Variants in STIM2 observed in about 807,000 individuals in gnomAD.
STIM2 encodes the protein stromal interaction molecule 2.
STIM2 carries 31 observed loss-of-function variants against 85.8 expected under a neutral mutation model. The ratio of observed to expected loss-of-function variants is 0.36; its 90% CI spans 0.27 to 0.49. STIM2 has a LOEUF of 0.49. Among genes scored for constraint, STIM2 ranks in the 20% least tolerant of loss-of-function variants. The pLI, the probability that STIM2 is intolerant of heterozygous loss-of-function variation, is 0.98. For missense variants in STIM2, 841 were observed against 927.6 expected (o/e 0.91, Z 1.21); for synonymous variants, 356 against 331.1 (o/e 1.08, Z -0.82).
At chr4:26,952,330 C>T in intron 2 of STIM2, among the ~76,000 whole-genome samples, 1 of 152,072 alleles carries the variant, frequency 6.6e-6, no homozygotes, top group East Asian at 1.9e-4. Context: ...ATTCTTAGAT[C>T]AGTGATTATC....
At position 26,877,474 on chromosome 4, in the gene STIM2, CTGTT is replaced by C. The variant is rs1474200564; in HGVS notation, c.151+16108_151+16111del. On this transcript the variant is annotated intron_variant, in intron 1 of 11. Transcript: ENST00000467087. Reference sequence around the variant, plus strand: ...ATTAGTTCCAACATCTGGGTAATCTCTGTTTGGTTCTGTTGTTTGCTTTATCTCT... The same window carrying C: ...ATTAGTTCCAACATCTGGGTAATCTCTGGTTCTGTTGTTTGCTTTATCTCT... Among the ~76,000 whole-genome samples, 6 of 148,386 alleles carry C rather than the reference CTGTT, an allele frequency of 4.0e-5. No individual in the cohort carries two copies. The East Asian group carries it at 9.8e-4, about 24-fold the overall frequency.
chr4:26,861,616 G>C, intron 1 of STIM2: 1 of 398,614 alleles, frequency 2.5e-6, no homozygotes. Context: ...CGGGCTCTCC[G>C]ATCTTCCAAG....
intron 2 of STIM2, among the ~76,000 whole-genome samples, chr4:26,956,917 T>C (rs1005831933): frequency 1.3e-5 from 2 of 152,142 alleles, no homozygotes; most frequent in African/African-American, 4.8e-5. Context: ...TTCTCATCTA[T>C]TGAATGAAGA....
rs1485320487 is a variant in STIM2 at position 26,885,861 on chromosome 4, A to ATG, written c.151+24493_151+24494insGT. ...TATATATATATATATATATATATAT[A>ATG]TATATATATATATGTATATGTCTAT... On this transcript the variant is annotated intron_variant, in intron 1 of 11. Transcript: ENST00000467087. Among the ~76,000 whole-genome samples the ATG allele has an allele frequency of 5.8e-4, 45 of 77,716 alleles. 1 individual carries two copies. Among genetic ancestry groups the ATG allele is most frequent in the African/African-American group, 2.3e-3 (41 of 17,904 alleles). 51.0% of individuals were successfully genotyped at this position (77,716 alleles called of 152,430 possible). A position where few individuals can be genotyped will look rare whatever the true frequency, so the allele number is the denominator to read the frequency against.
At chr4:26,922,654 T>C (rs1724847484) in intron 2 of STIM2, among the ~76,000 whole-genome samples, 2 of 152,184 alleles carry the variant, frequency 1.3e-5, no homozygotes, top group African/African-American at 4.8e-5. Context: ...CTTTGAATCT[T>C]GAACCTTGTA....
intron 10 of STIM2, among the ~76,000 whole-genome samples, chr4:27,009,329 A>G (rs563800497): frequency 6.6e-6 from 1 of 152,290 alleles, no homozygotes; most frequent in South Asian, 2.1e-4. Flanking sequence ...CTTTTTTTAA[A>G]ACATTGCTTG....
Position 26,860,928 on chromosome 4 carries a change from T to G in STIM2, c.-291T>G. ...CCGTACCTTTCTACCCCCCACCTTT[T>G]TTTTTTTTTTTTTTAAATAACCGGA... On this transcript the variant is annotated 5_prime_UTR_variant, in exon 1 of 12. Transcript: ENST00000467087. The G allele has an allele frequency of 1.1e-6, 1 of 912,270 alleles. No individual in the cohort carries two copies. Among genetic ancestry groups the G allele is most frequent in the African/African-American group, 2.2e-5 (1 of 45,962 alleles). The allele number at this position is 912,270 out of a possible 1,614,324, so 56.5% of individuals were successfully genotyped here. A position where few individuals can be genotyped will look rare whatever the true frequency, so the allele number is the denominator to read the frequency against.
At chr4:26,953,085 A>T (rs904887643) in intron 2 of STIM2, among the ~76,000 whole-genome samples, 3 of 152,092 alleles carry the variant, frequency 2.0e-5, no homozygotes, top group African/African-American at 4.8e-5. Flanking sequence ...TGTTGTTTTG[A>T]TGACAGGTGT....
At chr4:26,871,683 G>T (rs1722620362) in intron 1 of STIM2, among the ~76,000 whole-genome samples, 1 of 148,198 alleles carries the variant, frequency 6.7e-6, no homozygotes, top group Admixed American at 6.8e-5. Context: ...CTTTTATCTG[G>T]CCCATAAGTC....
At chr4:26,887,640 T>C (rs763262255) in intron 1 of STIM2, among the ~76,000 whole-genome samples, 1 of 152,170 alleles carries the variant, frequency 6.6e-6, no homozygotes, top group Non-Finnish European at 1.5e-5. Flanking sequence ...CTCTTAATGT[T>C]TTAAAAGACC....
chr4:26,893,067 C>G (rs982684845), intron 1 of STIM2, among the ~76,000 whole-genome samples: 1 of 152,202 alleles, frequency 6.6e-6, no homozygotes, highest in Non-Finnish European at 1.5e-5. Context: ...ATCACTACCC[C>G]TGCATCCTTC....
At chr4:26,973,261 T>C (rs1361045686) in intron 3 of STIM2, among the ~76,000 whole-genome samples, 1 of 152,226 alleles carries the variant, frequency 6.6e-6, no homozygotes, top group Non-Finnish European at 1.5e-5. Flanking sequence ...TGATCTTAGT[T>C]ATTTCTTGCC....
intron 1 of STIM2, among the ~76,000 whole-genome samples, chr4:26,915,162 G>A (rs57686546): frequency 0.18 from 27,776 of 152,070 alleles, 2,741 homozygotes; most frequent in East Asian, 0.41. Flanking sequence ...GGGTTGCAGG[G>A]AATAAATTAT....
intron 1 of STIM2, among the ~76,000 whole-genome samples, chr4:26,884,762 T>G (rs1723150791): frequency 6.6e-6 from 1 of 152,234 alleles, no homozygotes; most frequent in Non-Finnish European, 1.5e-5. Context: ...AGGCAACTGT[T>G]CTGAATGCTT....
Position 27,002,458 on chromosome 4 carries a change from G to A in STIM2, c.803+64G>A, listed in dbSNP as rs1294075814. 21 of 1,302,210 alleles carry A rather than the reference G, an allele frequency of 1.6e-5. 1 individual carries two copies. The highest frequency in any genetic ancestry group is 1.6e-5 in the Non-Finnish European group (15 of 944,150). 80.7% of individuals were successfully genotyped at this position (1,302,210 alleles called of 1,614,324 possible). On this transcript the variant is annotated intron_variant, in intron 6 of 11. Coordinates refer to ENST00000467087, the MANE Select transcript of STIM2 (RefSeq NM_020860.4). ...ATACAATTTGTAAAAAAAGTGATAT[G>A]GGCATGTGCTTAAATACTTACATTT...
intron 7 of STIM2, 25 bp downstream of exon 7, chr4:27,003,129 CT>C (rs770958173): frequency 6.5e-7 from 1 of 1,545,446 alleles, no homozygotes; most frequent in Admixed American, 2.3e-5. Flanking sequence ...AAAAAAATCA[CT>C]TGTAAAGATG....
At chr4:26,894,088 C>T (rs183862184) in intron 1 of STIM2, among the ~76,000 whole-genome samples, 12 of 152,218 alleles carry the variant, frequency 7.9e-5, no homozygotes, top group Admixed American at 2.6e-4. Context: ...GGGGTTTCAC[C>T]ATCTTGGCCA....
chr4:26,998,155 A>G (rs1728025810), intron 4 of STIM2, among the ~76,000 whole-genome samples: 1 of 152,174 alleles, frequency 6.6e-6, no homozygotes, highest in African/African-American at 2.4e-5. Context: ...GTTTATTGTC[A>G]TTGTTATTAT....
At chr4:26,960,409 C>T (rs1405038662) in intron 3 of STIM2, among the ~76,000 whole-genome samples, 3 of 152,136 alleles carry the variant, frequency 2.0e-5, no homozygotes, top group Non-Finnish European at 2.9e-5. Context: ...AACACACACA[C>T]ACATACATAC....
Sources: allele counts gnomAD v4.1 joint callset (sites outside exome capture counted in the v4.1 genomes callset), GRCh38; gene constraint gnomAD v4.1.1; transcripts MANE v1.5; gene names NCBI Gene and HGNC (gene_info 2026-07-23, HGNC 2026-07-21).